The following U2SURP variants were observed in gnomAD, a reference collection of about 807,000 sequenced individuals.
U2SURP encodes the protein U2 snRNP-associated SURP motif-containing protein.
Under a neutral mutation model 144.9 loss-of-function variants are expected in U2SURP, and 9 were observed. The observed-to-expected ratio is 0.06, with a 90% CI of 0.04 to 0.11. The LOEUF is 0.11. U2SURP is among the 10% of genes least tolerant of loss of function. U2SURP has a pLI of 1.00. For missense variants in U2SURP, 724 were observed against 1,226.7 expected (o/e 0.59, Z 6.12); for synonymous variants, 408 against 396.8 (o/e 1.03, Z -0.33).
intron 6 of U2SURP, 69 bp from the exon 7 acceptor site, chr3:143,019,900 C>A: frequency 1.3e-6 from 1 of 780,288 alleles, no homozygotes; most frequent in East Asian, 3.2e-5. Context: ...TGTAAAAAGG[C>A]TCTTATTATT....
intron 13 of U2SURP, chr3:143,024,566 A>ATTTTCC (rs747415839): frequency 4.8e-6 from 2 of 420,712 alleles, no homozygotes; most frequent in South Asian, 3.5e-5. Flanking sequence ...GAATTCTTTT[A>ATTTTCC]TTTTCCTTTC....
chr3:143,057,685 T>A lies in U2SURP; in HGVS notation c.*1235T>A, dbSNP rs967938552. 1.1e-4 allele frequency: 16 copies of A among 151,890 alleles called. No homozygotes were observed. Among genetic ancestry groups the A allele is most frequent in the African/African-American group, 3.4e-4 (14 of 41,404 alleles). The allele number at this position is 151,890 out of a possible 1,614,324, so 9.4% of individuals were successfully genotyped here. On this transcript the variant is annotated 3_prime_UTR_variant, in exon 28 of 28. Transcript: ENST00000473835. ...TTTGTGAATCTTGATTTCAGTTTTT[T>A]ATGTAGGCACTTCATACACTGGTTT... is the stretch of plus-strand genomic sequence containing the variant.
At chr3:143,016,231 ATAT>A (rs1373499743) in intron 4 of U2SURP, 23 bp from the exon 5 acceptor site, 2 of 1,594,916 alleles carry the variant, frequency 1.3e-6, no homozygotes, top group African/African-American at 1.3e-5. Context: ...GTATTGTGTA[ATAT>A]TAATATTTTC....
At chr3:143,021,696 C>A in intron 10 of U2SURP, 141 bp downstream of exon 10, 1 of 756,842 alleles carries the variant, frequency 1.3e-6, no homozygotes, top group Non-Finnish European at 2.1e-6. Context: ...ACTGGTATGG[C>A]CCAGGTTGTC....
At chr3:143,027,356 TG>T (rs1933212639) in intron 14 of U2SURP, 103 bp downstream of exon 14, 2 of 816,044 alleles carry the variant, frequency 2.5e-6, no homozygotes, top group Non-Finnish European at 3.8e-6. Flanking sequence ...TTCACATTGT[TG>T]TACAACCATC....
In U2SURP at chr3:143,043,297, T is replaced by C. The variant is rs766187054; in HGVS notation, c.2544+21T>C. 41 of 1,577,038 alleles carry C rather than the reference T, an allele frequency of 2.6e-5. 1 individual carries two copies. The South Asian group carries it at 4.2e-4, about 16-fold the overall frequency. On this transcript the variant is annotated intron_variant, in intron 24 of 27. Transcript: ENST00000473835. ...TTGAGGTTGGTGTTGCAGTGAAACT[T>C]AAATTACACTTTATTGGCTTTTCAC...
At chr3:143,019,681 C>T (rs1239866906) in intron 6 of U2SURP, among the ~76,000 whole-genome samples, 1 of 152,096 alleles carries the variant, frequency 6.6e-6, no homozygotes, top group Non-Finnish European at 1.5e-5. Flanking sequence ...TTGAAGAGTG[C>T]GTATTTTTGG....
intron 7 of U2SURP, 30 bp downstream of exon 7, chr3:143,020,066 C>G: frequency 7.3e-7 from 1 of 1,371,768 alleles, no homozygotes; most frequent in Non-Finnish European, 9.9e-7. Flanking sequence ...GAATAACTAT[C>G]ATAGGTGTAT....
chr3:143,025,204 A>G (rs912918460), intron 13 of U2SURP, among the ~76,000 whole-genome samples: 3 of 152,206 alleles, frequency 2.0e-5, no homozygotes, highest in Non-Finnish European at 4.4e-5. Flanking sequence ...TTAAAACTAT[A>G]GTGGGTTTTT....
chr3:143,035,901 C>T, intron 19 of U2SURP, 81 bp from the exon 20 acceptor site: 4 of 1,418,696 alleles, frequency 2.8e-6, no homozygotes, highest in Non-Finnish European at 2.8e-6. Context: ...TTTAGCAAAT[C>T]TTGATGATCA....
chr3:143,053,768 T>A lies in U2SURP; in HGVS notation c.2748T>A (p.Asp916Glu), dbSNP rs1935006440. The part of the protein sequence containing the change: ...ESRSKDKKEK[D>E]ECTPTRKERK... ...GCTCCAAAGACAAGAAGGAAAAAGA[T>A]GAGTGTACTCCGACAAGGAAGGAAA... is the stretch of plus-strand genomic sequence containing the variant. The change falls in exon 26 of 28, where the codon GAT becomes GAA. Residue 916 changes from aspartate (D) to glutamate (E), a missense_variant. By Grantham distance (45) the Asp-to-Glu change is conservative (BLOSUM62 2). Around this residue, in one of 13 missense-constraint regions of U2SURP, gnomAD observed 129 missense variants for 196.1 expected, o/e 0.66. Transcript: ENST00000473835. 1 of 1,606,510 alleles carries A rather than the reference T, an allele frequency of 6.2e-7. No homozygotes were observed. The highest frequency in any genetic ancestry group is 8.5e-7 in the Non-Finnish European group (1 of 1,177,006).
In U2SURP at chr3:143,054,982, T is replaced by C. The variant is rs773663865; in HGVS notation, c.2814T>C (p.Ser938=). Residue 938 remains serine, a synonymous_variant, in exon 27 of 28, where the codon AGT becomes AGC. Transcript: ENST00000473835. ...GTACATCCCCCAGCCCATCTCGCAGTAGCAGTGGTAGACGAGTGAAATCCC... is the reference window on the plus strand; with the variant it reads ...GTACATCCCCCAGCCCATCTCGCAGCAGCAGTGGTAGACGAGTGAAATCCC... ...RHSTSPSPSR[S]SSGRRVKSPS... 1.4e-5 allele frequency: 23 copies of C among 1,609,572 alleles called. No individual in the cohort carries two copies. The African/African-American group carries it at 2.4e-4, about 17-fold the overall frequency.
intron 1 of U2SURP, among the ~76,000 whole-genome samples, chr3:143,007,899 AT>A (rs1935928065): frequency 6.6e-6 from 1 of 152,216 alleles, no homozygotes; most frequent in Admixed American, 6.5e-5. Flanking sequence ...CTTGACTGTT[AT>A]CTTTAGAAGT....
chr3:143,016,900 A>G lies in U2SURP; in HGVS notation c.495A>G (p.Ala165=). Residue 165 remains alanine, a synonymous_variant, in exon 6 of 28, where the codon GCA becomes GCG. Transcript: ENST00000473835. ...TCTATAAGCCATCTTCAAGATTTGC[A>G]GATCAAAAAAATCCTCCAAATCAGT... ...GKIYKPSSRF[A]DQKNPPNQSS... is the part of the protein sequence containing the mutation. 6.3e-7 allele frequency: 1 copy of G among 1,594,954 alleles called. No individual in the cohort carries two copies. The highest frequency in any genetic ancestry group is 1.1e-5 in the South Asian group (1 of 87,544).
At chr3:143,036,133 T>G (rs1933797028) in intron 20 of U2SURP, 29 bp downstream of exon 20, 1 of 1,565,670 alleles carries the variant, frequency 6.4e-7, no homozygotes. Context: ...TCTGGTTGTT[T>G]TTAAAATTCG....
Position 143,037,147 on chromosome 3 carries a change from G to C in U2SURP, c.2065-32G>C, listed in dbSNP as rs370421091. 7.5e-6 allele frequency: 12 copies of C among 1,592,270 alleles called. No individual in the cohort carries two copies. In the African/African-American group the frequency reaches 1.6e-4, roughly 21 times the overall value. ...AAGCAATGTGACTTCAGCAAGCAAA[G>C]GAAAATGTTATAATAGTACACATTT... On this transcript the variant is annotated intron_variant, in intron 20 of 27. Coordinates refer to ENST00000473835, the MANE Select transcript of U2SURP (RefSeq NM_001080415.2).
rs770457194 is a variant in U2SURP, at chr3:143,054,977, C to T, written c.2809C>T (p.Arg937Cys). The T allele has an allele frequency of 1.1e-5, 17 of 1,609,218 alleles. No individual in the cohort carries two copies. The Admixed American group carries it at 2.0e-4, about 19-fold the overall frequency. ...RRHSTSPSPS[R>C]SSSGRRVKSP... The stretch of plus-strand genomic sequence containing the variant: ...ACACAGTACATCCCCCAGCCCATCT[C>T]GCAGTAGCAGTGGTAGACGAGTGAA... The change falls in exon 27 of 28, where the codon CGC becomes TGC. Residue 937 changes from arginine to cysteine, a missense_variant. Transcript: ENST00000473835.
intron 12 of U2SURP, chr3:143,023,320 C>T (rs1295058981): frequency 2.8e-6 from 1 of 362,826 alleles, no homozygotes; most frequent in African/African-American, 2.1e-5. Context: ...GTGTTGTATC[C>T]AGATTTGCTT....
chr3:143,044,932 GA>G (rs2108308033), intron 24 of U2SURP, among the ~76,000 whole-genome samples: 1 of 152,240 alleles, frequency 6.6e-6, no homozygotes, highest in Admixed American at 6.5e-5. Flanking sequence ...TTTCAGAGTT[GA>G]TTAGTTGATT....
Sources: allele counts gnomAD v4.1 joint callset (sites outside exome capture counted in the v4.1 genomes callset), GRCh38; gene constraint gnomAD v4.1.1; regional missense constraint gnomAD v4.1.1; transcripts MANE v1.5; gene names NCBI Gene and HGNC (gene_info 2026-07-23, HGNC 2026-07-21).